NAV3: variants seen among roughly 807,000 people sequenced by gnomAD.
NAV3 encodes the protein pore membrane and/or filament interacting like protein 1.
Under a neutral mutation model 244.7 loss-of-function variants are expected in NAV3, and 87 were observed. The observed-to-expected ratio is 0.36, with a 90% CI of 0.30 to 0.42. NAV3 has a LOEUF of 0.42. Among genes scored for constraint, NAV3 ranks in the 20% least tolerant of loss-of-function variants. NAV3 has a pLI of 1.00. For synonymous variants in NAV3, 1,126 were observed against 1,042.2 expected, an observed-to-expected ratio of 1.08 and a Z score of -1.55; for missense variants, 2,663 against 2,893.3, an observed-to-expected ratio of 0.92 and a Z score of 1.83.
chr12:78,035,630 T>G (rs1723674791), intron 9 of NAV3, among the ~76,000 whole-genome samples: 1 of 152,208 alleles, frequency 6.6e-6, no homozygotes, highest in Admixed American at 6.5e-5. Context: ...TCTGTAACAT[T>G]ATTATGTTCC....
chr12:77,832,144 G>A (rs1454825114), intron 1 of NAV3, among the ~76,000 whole-genome samples: 1 of 152,122 alleles, frequency 6.6e-6, no homozygotes, highest in Non-Finnish European at 1.5e-5. Context: ...GCATTTCAAA[G>A]AATTTCTGCT....
At chr12:78,091,362 T>A (rs964828758) in intron 12 of NAV3, 24 of 152,332 alleles carry the variant, frequency 1.6e-4, no homozygotes, top group African/African-American at 5.5e-4. Flanking sequence ...TTGATTAATG[T>A]TGATAATTTT....
In NAV3 at chr12:77,744,171, C is replaced by T. The variant is rs112768605; in HGVS notation, c.72+171905C>T. On this transcript the variant is annotated intron_variant, in intron 2 of 8. Transcript: ENST00000550042. ...TTCCATACATTATCTGATTGAGTTA[C>T]TATAAAGCTACAGTTATTAAAACAG... is the stretch of plus-strand genomic sequence containing the variant. 1.7e-3 allele frequency among the ~76,000 whole-genome samples: 264 copies of T among 151,950 alleles called. 1 individual carries two copies. Among genetic ancestry groups the T allele is most frequent in the African/African-American group, 6.2e-3 (256 of 41,500 alleles).
intron 2 of NAV3, among the ~76,000 whole-genome samples, chr12:77,626,550 A>G (rs1433574550): frequency 6.6e-6 from 1 of 152,152 alleles, no homozygotes; most frequent in Non-Finnish European, 1.5e-5. Flanking sequence ...CAGCAAGAAA[A>G]AAAGCATCCA....
chr12:77,595,311 A>G (rs1018942137), intron 2 of NAV3, among the ~76,000 whole-genome samples: 3 of 152,230 alleles, frequency 2.0e-5, no homozygotes, highest in Non-Finnish European at 4.4e-5. Flanking sequence ...CAAATACTGC[A>G]TGATCTCACA....
chr12:78,155,063 A>G (rs1957247344), intron 22 of NAV3, among the ~76,000 whole-genome samples: 1 of 152,052 alleles, frequency 6.6e-6, no homozygotes, highest in Admixed American at 6.6e-5. Context: ...CAGGATATGC[A>G]GGTTTGTTAC....
chr12:77,780,518 C>T (rs1212035788), intron 2 of NAV3, among the ~76,000 whole-genome samples: 1 of 152,084 alleles, frequency 6.6e-6, no homozygotes, highest in Non-Finnish European at 1.5e-5. Flanking sequence ...CCCACTGAAA[C>T]AAAAGGCAGG....
chr12:77,977,686 A>G (rs541200438), intron 5 of NAV3, among the ~76,000 whole-genome samples: 1 of 98,838 alleles, frequency 1.0e-5, no homozygotes, highest in East Asian at 3.7e-4. Flanking sequence ...GGAGATATAT[A>G]TATACACACA....
rs553752698 is a variant in NAV3, at chr12:77,989,273, C to T, written c.672-5530C>T. Among the ~76,000 whole-genome samples the T allele has an allele frequency of 4.5e-4, 68 of 152,194 alleles. 2 individuals carry two copies. Among genetic ancestry groups the T allele is most frequent in the African/African-American group, 1.3e-3 (55 of 41,534 alleles). ...TAAGAGTAGTAGAAGGACATAAAAA[C>T]GGGATGGCAGTAATACTATAATTAG... On this transcript the variant is annotated intron_variant, in intron 5 of 39. Coordinates refer to ENST00000397909, the MANE Select transcript of NAV3 (RefSeq NM_001024383.2).
intron 2 of NAV3, among the ~76,000 whole-genome samples, chr12:77,573,166 T>C (rs1592463825): frequency 6.6e-6 from 1 of 152,318 alleles, no homozygotes; most frequent in East Asian, 1.9e-4. Context: ...GGGCCATAAT[T>C]AAGCTTTGTT....
At chr12:77,907,159 G>A (rs1021671728) in intron 1 of NAV3, among the ~76,000 whole-genome samples, 4 of 152,142 alleles carry the variant, frequency 2.6e-5, no homozygotes, top group African/African-American at 9.7e-5. Context: ...AATAAACAAA[G>A]GTAAATCAAA....
At chr12:78,189,662 T>C (rs1235094172) in intron 33 of NAV3, among the ~76,000 whole-genome samples, 1 of 151,672 alleles carries the variant, frequency 6.6e-6, no homozygotes, top group East Asian at 1.9e-4. Flanking sequence ...ATAATCATCT[T>C]CAATAAAAGA....
intron 9 of NAV3, among the ~76,000 whole-genome samples, chr12:78,028,000 C>A (rs1257105828): frequency 6.6e-6 from 1 of 151,670 alleles, no homozygotes; most frequent in Non-Finnish European, 1.5e-5. Context: ...GAAAGTCAAG[C>A]TGTTGGAGAG....
At chr12:77,691,223 T>A (rs1167903407) in intron 2 of NAV3, among the ~76,000 whole-genome samples, 4 of 149,838 alleles carry the variant, frequency 2.7e-5, no homozygotes, top group African/African-American at 9.7e-5. Flanking sequence ...TGGTTTGGAA[T>A]TTTTTACATA....
At chr12:77,986,869 T>C (rs924338835) in intron 5 of NAV3, among the ~76,000 whole-genome samples, 2 of 152,072 alleles carry the variant, frequency 1.3e-5, no homozygotes, top group Admixed American at 6.5e-5. Flanking sequence ...TAGGAATTAG[T>C]AGAAAAAAAA....
intron 2 of NAV3, among the ~76,000 whole-genome samples, chr12:77,606,368 T>C (rs1274092438): frequency 1.3e-5 from 2 of 152,170 alleles, no homozygotes; most frequent in African/African-American, 2.4e-5. Flanking sequence ...TCACTTGTTA[T>C]AGTTTTTTAA....
intron 2 of NAV3, among the ~76,000 whole-genome samples, chr12:77,737,794 C>T (rs1181902418): frequency 1.3e-5 from 2 of 152,170 alleles, no homozygotes; most frequent in African/African-American, 4.8e-5. Flanking sequence ...TCAACAGCCA[C>T]TGTTGTTCTA....
chr12:78,084,413 T>A (rs2137886498), intron 12 of NAV3, among the ~76,000 whole-genome samples: 1 of 152,294 alleles, frequency 6.6e-6, no homozygotes, highest in Middle Eastern at 3.4e-3. Flanking sequence ...GTGATCAAAG[T>A]CATAGCTCTA....
At chr12:77,974,371 T>G (rs1227413555) in intron 5 of NAV3, among the ~76,000 whole-genome samples, 1 of 152,040 alleles carries the variant, frequency 6.6e-6, no homozygotes, top group Non-Finnish European at 1.5e-5. Flanking sequence ...AAACTCTGCC[T>G]CCCGAGTTCA....
Sources: allele counts gnomAD v4.1 joint callset (sites outside exome capture counted in the v4.1 genomes callset), GRCh38; gene constraint gnomAD v4.1.1; transcripts MANE v1.5; gene names NCBI Gene and HGNC (gene_info 2026-07-23, HGNC 2026-07-21).